Variants in RPS6KA2 observed in about 807,000 individuals in gnomAD.
The protein encoded by RPS6KA2 is ribosomal protein S6 kinase A2, also known as ribosomal protein S6 kinase alpha-2.
In RPS6KA2, 42 loss-of-function variants were observed where a neutral mutation model predicts 91.8. The ratio of observed to expected loss-of-function variants is 0.46; its 90% CI spans 0.36 to 0.59. RPS6KA2 has a LOEUF of 0.59. RPS6KA2 is among the 20% of genes least tolerant of loss of function. RPS6KA2 has a pLI of 0.00. For missense variants in RPS6KA2, 798 were observed against 978.5 expected (o/e 0.82, Z 2.46); for synonymous variants, 414 against 393.6 (o/e 1.05, Z -0.61).
chr6:166,506,013 T>C (rs1782209023), intron 5 of RPS6KA2, among the ~76,000 whole-genome samples: 1 of 152,090 alleles, frequency 6.6e-6, no homozygotes, highest in African/African-American at 2.4e-5. Flanking sequence ...AGTTTCTCCA[T>C]AGAAAGGGAA....
rs540175849 is a variant in RPS6KA2, at chr6:166,772,294, T to C, written c.123+85906A>G. Among the ~76,000 whole-genome samples the C allele has an allele frequency of 4.6e-3, 600 of 129,542 alleles. 2 individuals are homozygous for C. The highest frequency in any genetic ancestry group is 0.017 in the African/African-American group (578 of 33,624). 85.0% of individuals were successfully genotyped at this position (129,542 alleles called of 152,430 possible). ...GGAGAAAGGCCCTAGCAGGGCTCCC[T>C]CAGAGCTGTCAGCCCCCTTGTCCTG... On this transcript the variant is annotated intron_variant, in intron 2 of 21. Coordinates refer to the RPS6KA2 transcript ENST00000503859.
At chr6:166,858,071 TAG>T in intron 2 of RPS6KA2, 1 of 725,646 alleles carries the variant, frequency 1.4e-6, no homozygotes, top group Non-Finnish European at 2.5e-6. Context: ...TGTGTATGTA[TAG>T]AGACACATAT....
At chr6:166,738,017 T>C (rs938400151) in intron 2 of RPS6KA2, among the ~76,000 whole-genome samples, 2 of 152,200 alleles carry the variant, frequency 1.3e-5, no homozygotes, top group Non-Finnish European at 2.9e-5. Context: ...TCATACCATA[T>C]TGTATTCATT....
At chr6:166,756,182 C>T (rs573984972) in intron 2 of RPS6KA2, among the ~76,000 whole-genome samples, 8 of 151,866 alleles carry the variant, frequency 5.3e-5, no homozygotes, top group South Asian at 2.1e-4. Flanking sequence ...CCCAGCTACT[C>T]GGGAGGGTGA....
intron 2 of RPS6KA2, among the ~76,000 whole-genome samples, chr6:166,783,560 A>C (rs952431382): frequency 1.3e-5 from 2 of 151,860 alleles, no homozygotes; most frequent in African/African-American, 4.9e-5. Flanking sequence ...GCATACATAC[A>C]TATCTAAAAT....
chr6:166,831,115 C>A (rs763130575), intron 2 of RPS6KA2, among the ~76,000 whole-genome samples: 76 of 152,208 alleles, frequency 5.0e-4, no homozygotes, highest in Non-Finnish European at 8.1e-4. Context: ...ACGGAGAGAA[C>A]CCCTGATGGA....
chr6:166,506,412 T>C (rs1004115457), intron 5 of RPS6KA2, among the ~76,000 whole-genome samples: 1 of 152,210 alleles, frequency 6.6e-6, no homozygotes, highest in Non-Finnish European at 1.5e-5. Flanking sequence ...CCAAATGGAC[T>C]GACTCCCTGT....
At chr6:166,810,692 T>C (rs1374128287) in intron 2 of RPS6KA2, among the ~76,000 whole-genome samples, 1 of 152,204 alleles carries the variant, frequency 6.6e-6, no homozygotes, top group African/African-American at 2.4e-5. Flanking sequence ...GATAAAAGCC[T>C]ATATATGGAA....
At chr6:166,785,532 C>A (rs538139594) in intron 2 of RPS6KA2, among the ~76,000 whole-genome samples, 1 of 152,236 alleles carries the variant, frequency 6.6e-6, no homozygotes, top group Admixed American at 6.5e-5. Context: ...GGTTGCTCCA[C>A]GCCAGGCATG....
chr6:166,570,934 G>A (rs1057499704), intron 1 of RPS6KA2, among the ~76,000 whole-genome samples: 8 of 152,204 alleles, frequency 5.3e-5, no homozygotes, highest in Non-Finnish European at 4.4e-5. Context: ...ATTTTAAGAG[G>A]CCTTTTTAGG....
chr6:166,613,560 T>C lies in RPS6KA2; in HGVS notation c.99+13361A>G, dbSNP rs74595132. On this transcript the variant is annotated intron_variant, in intron 1 of 20. Transcript: ENST00000265678. The stretch of plus-strand genomic sequence containing the variant: ...GAAGATCTAGGAGTCATCTTTGATT[T>C]TTCTGTCATGTATAGTGTGTCCAGG... Among the ~76,000 whole-genome samples the C allele has an allele frequency of 4.1e-4, 62 of 152,290 alleles. 1 individual carries two copies. In the East Asian group the frequency reaches 0.012, roughly 29 times the overall value.
intron 19 of RPS6KA2, among the ~76,000 whole-genome samples, chr6:166,416,376 A>T (rs990065971): frequency 6.8e-6 from 1 of 147,850 alleles, no homozygotes; most frequent in African/African-American, 2.5e-5. Context: ...CTCCACTATC[A>T]TCTCTGCCAT....
intron 1 of RPS6KA2, among the ~76,000 whole-genome samples, chr6:166,607,935 A>G (rs1786011986): frequency 1.3e-5 from 2 of 152,038 alleles, no homozygotes; most frequent in South Asian, 2.1e-4. Flanking sequence ...ACTTAAGCCC[A>G]GGAGGTGGAA....
rs371903583 is a variant in RPS6KA2 at position 166,818,014 on chromosome 6, C to T, written c.123+40186G>A. On this transcript the variant is annotated intron_variant, in intron 2 of 21. Coordinates refer to the RPS6KA2 transcript ENST00000503859. ...ATAACATTATAGGTGTGAGCCACTG[C>T]GCCCGGCCCGGCCAAACCTTTTGAA... Among the ~76,000 whole-genome samples, 246 of 152,214 alleles carry T rather than the reference C, an allele frequency of 1.6e-3. 1 individual carries two copies. Among genetic ancestry groups the T allele is most frequent in the African/African-American group, 5.6e-3 (233 of 41,538 alleles).
chr6:166,768,157 G>A lies in RPS6KA2; in HGVS notation c.123+90043C>T, dbSNP rs1056176826. Among the ~76,000 whole-genome samples the A allele has an allele frequency of 3.9e-5, 6 of 152,206 alleles. No homozygotes were observed. The South Asian group carries it at 1.0e-3, about 26-fold the overall frequency. On this transcript the variant is annotated intron_variant, in intron 2 of 21. Transcript: ENST00000503859. The stretch of plus-strand genomic sequence containing the variant: ...CATAAGAAAAGGGAAGAAAGAGGAG[G>A]AAACCCAGAGAGGGCCTCAGCGGGC...
At chr6:166,797,600 A>T (rs1231914363) in intron 2 of RPS6KA2, among the ~76,000 whole-genome samples, 1 of 152,174 alleles carries the variant, frequency 6.6e-6, no homozygotes, top group Non-Finnish European at 1.5e-5. Flanking sequence ...CCATCCATTA[A>T]GTGGAAATGG....
intron 2 of RPS6KA2, among the ~76,000 whole-genome samples, chr6:166,782,906 C>A (rs1460472171): frequency 1.4e-5 from 2 of 145,218 alleles, no homozygotes; most frequent in African/African-American, 5.4e-5. Flanking sequence ...ATCATGGAGG[C>A]CACCCCAGGC....
At chr6:166,516,478 C>T (rs1390035244) in intron 3 of RPS6KA2, among the ~76,000 whole-genome samples, 1 of 152,148 alleles carries the variant, frequency 6.6e-6, no homozygotes, top group Non-Finnish European at 1.5e-5. Flanking sequence ...GGACACTGCC[C>T]CTTCTAGGAT....
intron 2 of RPS6KA2, among the ~76,000 whole-genome samples, chr6:166,753,872 C>T (rs1391443823): frequency 6.6e-6 from 1 of 152,194 alleles, no homozygotes; most frequent in African/African-American, 2.4e-5. Flanking sequence ...AAGATGCCCA[C>T]TTTCCCGAAA....
Sources: allele counts gnomAD v4.1 joint callset (sites outside exome capture counted in the v4.1 genomes callset), GRCh38; gene constraint gnomAD v4.1.1; transcripts MANE v1.5; gene names NCBI Gene and HGNC (gene_info 2026-07-23, HGNC 2026-07-21).